The following ARCN1 variants were observed in gnomAD, a reference collection of about 807,000 sequenced individuals.
ARCN1 encodes coatomer subunit delta.
ARCN1 carries 5 observed loss-of-function variants against 60.4 expected under a neutral mutation model. That is an observed-to-expected ratio of 0.08 (90% CI 0.04 to 0.17). The LOEUF is 0.17. Ranked by LOEUF, ARCN1 falls within the 10% of genes least tolerant of loss-of-function variation. The pLI is 1.00. For missense variants in ARCN1, 464 were observed against 626.5 expected (o/e 0.74, Z 2.77); for synonymous variants, 224 against 220.0 (o/e 1.02, Z -0.16).
chr11:118,580,170 A>G (rs965823836), intron 1 of ARCN1, among the ~76,000 whole-genome samples: 26 of 152,162 alleles, frequency 1.7e-4, no homozygotes, highest in Non-Finnish European at 4.4e-5. Flanking sequence ...CGAAAATACA[A>G]AAATTTGCCA....
At chr11:118,586,239 G>A (rs1274600974) in intron 5 of ARCN1, among the ~76,000 whole-genome samples, 1 of 152,132 alleles carries the variant, frequency 6.6e-6, no homozygotes, top group Non-Finnish European at 1.5e-5. Flanking sequence ...GGGATTACAG[G>A]TGCACGCCAT....
chr11:118,601,328 T>G lies in ARCN1; in HGVS notation c.*614T>G. 2.3e-6 allele frequency: 1 copy of G among 440,068 alleles called. No individual in the cohort carries two copies. Among genetic ancestry groups the G allele is most frequent in the South Asian group, 1.7e-5 (1 of 57,782 alleles). 27.3% of individuals were successfully genotyped at this position (440,068 alleles called of 1,614,324 possible). A position where few individuals can be genotyped will look rare whatever the true frequency, so the allele number is the denominator to read the frequency against. ...CCGCCCACCTCAGCCTCCCAAAGTG[T>G]TGGGATTACAGGCATGAGCCACCAT... On this transcript the variant is annotated 3_prime_UTR_variant, in exon 10 of 10. Transcript: ENST00000264028.
chr11:118,572,411 C>T lies in ARCN1; in HGVS notation c.-137C>T, dbSNP rs1555072560. 1.7e-6 allele frequency: 1 copy of T among 579,954 alleles called. No individual in the cohort carries two copies. The highest frequency in any genetic ancestry group is 2.0e-5 in the African/African-American group (1 of 49,058). 35.9% of individuals were successfully genotyped at this position (579,954 alleles called of 1,614,324 possible). On this transcript the variant is annotated 5_prime_UTR_variant, in exon 1 of 10. Coordinates refer to ENST00000264028, the MANE Select transcript of ARCN1 (RefSeq NM_001655.5). ...TGAAGACGTGGCTTGGGGCCGCCAT[C>T]TTGGCAAGAGGCGAAGCGGCAGCGG...
chr11:118,590,121 A>G lies in ARCN1; in HGVS notation c.819-220A>G, dbSNP rs568843209. 1.6e-4 allele frequency among the ~76,000 whole-genome samples: 24 copies of G among 152,148 alleles called. No individual in the cohort carries two copies. In the South Asian group the frequency reaches 2.3e-3, roughly 14 times the overall value. On this transcript the variant is annotated intron_variant, in intron 5 of 9. Transcript: ENST00000264028. ...AGCGATTCTCCTGCCTTAGCCTCCC[A>G]AGTAGCTGGGACTACAGGCATGCAC...
intron 6 of ARCN1, 37 bp from the exon 7 acceptor site, chr11:118,592,672 C>G (rs1396764041): frequency 4.4e-6 from 7 of 1,588,526 alleles, no homozygotes; most frequent in Non-Finnish European, 6.0e-6. Context: ...TCTCGTCTAT[C>G]TGAACCTCAG....
intron 9 of ARCN1, among the ~76,000 whole-genome samples, chr11:118,598,356 A>C (rs1939074343): frequency 6.6e-6 from 1 of 152,192 alleles, no homozygotes; most frequent in African/African-American, 2.4e-5. Context: ...ATTCTATTAC[A>C]AATGGAAATT....
At chr11:118,590,638 G>A in intron 6 of ARCN1, 132 bp downstream of exon 6, 1 of 936,000 alleles carries the variant, frequency 1.1e-6, no homozygotes, top group East Asian at 2.6e-5. Flanking sequence ...AAACGCTTAG[G>A]AAAGAAGTTA....
Position 118,593,635 on chromosome 11 carries a change from T to C in ARCN1, c.1178T>C (p.Ile393Thr), listed in dbSNP as rs1938961350. The change falls in exon 8 of 10, where the codon ATA becomes ACA. Residue 393 changes from isoleucine (I) to threonine (T), a missense_variant. Coordinates refer to ENST00000264028, the MANE Select transcript of ARCN1 (RefSeq NM_001655.5). Reference sequence around the variant, plus strand: ...AGTGGAAATGGCTGTGATGTCAACATAGAATATGAGCTACAAGAAGATAAT... The same window carrying C: ...AGTGGAAATGGCTGTGATGTCAACACAGAATATGAGCTACAAGAAGATAAT... ...SESGNGCDVNIEYELQEDNLE... is the reference protein window; with the variant it reads ...SESGNGCDVNTEYELQEDNLE... The C allele has an allele frequency of 6.2e-7, 1 of 1,613,820 alleles. No individual in the cohort carries two copies. The highest frequency in any genetic ancestry group is 8.5e-7 in the Non-Finnish European group (1 of 1,179,764).
intron 9 of ARCN1, among the ~76,000 whole-genome samples, chr11:118,600,389 G>C (rs1204875606): frequency 6.6e-6 from 1 of 152,174 alleles, no homozygotes; most frequent in Non-Finnish European, 1.5e-5. Flanking sequence ...TAATACTACG[G>C]AACATCTCGT....
intron 1 of ARCN1, chr11:118,573,655 G>T: frequency 1.4e-6 from 1 of 702,738 alleles, no homozygotes; most frequent in Non-Finnish European, 2.6e-6. Flanking sequence ...GTGTACCTGA[G>T]AGATGGCAGA....
intron 1 of ARCN1, among the ~76,000 whole-genome samples, chr11:118,573,317 C>T (rs1222224092): frequency 1.3e-5 from 2 of 152,132 alleles, no homozygotes; most frequent in African/African-American, 4.8e-5. Flanking sequence ...TCAGATGTCT[C>T]ACAGGAGGTG....
chr11:118,583,401 C>T, intron 3 of ARCN1, 43 bp downstream of exon 3: 1 of 1,543,740 alleles, frequency 6.5e-7, no homozygotes, highest in Non-Finnish European at 8.7e-7. Flanking sequence ...GTATGTCTTT[C>T]TCTTAGGCTT....
chr11:118,585,604 A>G lies in ARCN1; in HGVS notation c.818+960A>G, dbSNP rs576596068. Among the ~76,000 whole-genome samples, 21 of 151,986 alleles carry G rather than the reference A, an allele frequency of 1.4e-4. 1 individual carries two copies. In the South Asian group the frequency reaches 1.5e-3, roughly 11 times the overall value. Reference sequence around the variant, plus strand: ...ACCCAGGCTGGAGTACAGTGGTGCAATCTCAGCTTGTTGCAACCTCTGCCT... The same window carrying G: ...ACCCAGGCTGGAGTACAGTGGTGCAGTCTCAGCTTGTTGCAACCTCTGCCT... On this transcript the variant is annotated intron_variant, in intron 5 of 9. Transcript: ENST00000264028.
chr11:118,573,271 C>T (rs1175067293), intron 1 of ARCN1, among the ~76,000 whole-genome samples: 1 of 152,082 alleles, frequency 6.6e-6, no homozygotes, highest in Non-Finnish European at 1.5e-5. Flanking sequence ...AACTTATTGT[C>T]CAGGTGAAGA....
Position 118,592,757 on chromosome 11 carries a change from G to A in ARCN1, c.1033G>A (p.Gly345Ser), listed in dbSNP as rs1555076515. The A allele has an allele frequency of 1.2e-6, 2 of 1,613,922 alleles. No homozygotes were observed. Among genetic ancestry groups the A allele is most frequent in the Admixed American group, 1.7e-5 (1 of 60,008 alleles). The part of the protein sequence containing the change: ...KKLFTAESLI[G>S]LKNPEKSFPV... ...ACTTTTCACTGCAGAGTCTCTAATT[G>A]GCCTGAAGAATCCAGAGAAGTCATT... Residue 345 changes from glycine (G) to serine (S), a missense_variant, in exon 7 of 10, where the codon GGC (glycine) becomes AGC (serine). This residue lies in a region of ARCN1 where 359 missense variants were observed against 440.2 expected (regional missense o/e 0.82). Transcript: ENST00000264028.
chr11:118,578,689 A>T (rs1367452640), intron 1 of ARCN1, among the ~76,000 whole-genome samples: 2 of 151,974 alleles, frequency 1.3e-5, no homozygotes, highest in African/African-American at 2.4e-5. Context: ...CTGTATGTAA[A>T]ATTTTGGGGG....
intron 1 of ARCN1, among the ~76,000 whole-genome samples, chr11:118,576,132 A>G (rs1938493517): frequency 6.6e-6 from 1 of 152,030 alleles, no homozygotes; most frequent in Admixed American, 6.6e-5. Flanking sequence ...ATTAGTGGCA[A>G]AGGCAGAACA....
chr11:118,596,865 A>C (rs1360523293), intron 8 of ARCN1, among the ~76,000 whole-genome samples: 2 of 152,236 alleles, frequency 1.3e-5, no homozygotes, highest in African/African-American at 4.8e-5. Context: ...TAAATCAAAT[A>C]AACCCATTGG....
chr11:118,575,302 A>C (rs1471882709), intron 1 of ARCN1, among the ~76,000 whole-genome samples: 1 of 151,924 alleles, frequency 6.6e-6, no homozygotes, highest in African/African-American at 2.4e-5. Context: ...GTATCTTTTT[A>C]ATTGTGTTTT....
Sources: gnomAD v4.1 joint callset for allele counts (sites outside exome capture counted in the v4.1 genomes callset) on GRCh38, gnomAD v4.1.1 for gene constraint, gnomAD v4.1.1 regional missense constraint, MANE v1.5 for transcripts, NCBI Gene and HGNC (gene_info 2026-07-23, HGNC 2026-07-21) for gene names.